Variants in FNDC3B observed in about 807,000 individuals in gnomAD.
The protein encoded by FNDC3B is fibronectin type III domain containing 3B, also known as fibronectin type III domain-containing protein 3B.
FNDC3B carries 12 observed loss-of-function variants against 151.5 expected under a neutral mutation model. The observed-to-expected ratio is 0.08, with a 90% CI of 0.05 to 0.13. The LOEUF (loss-of-function observed/expected upper bound fraction) is 0.13. Ranked by LOEUF, FNDC3B falls within the 10% of genes least tolerant of loss-of-function variation. FNDC3B has a pLI of 1.00. For synonymous variants in FNDC3B, 528 were observed against 549.0 expected (o/e 0.96, Z 0.54); for missense variants, 1,214 against 1,505.3 (o/e 0.81, Z 3.20).
intron 3 of FNDC3B, among the ~76,000 whole-genome samples, chr3:172,221,175 T>C (rs1271179851): frequency 6.5e-5 from 4 of 61,452 alleles, no homozygotes; most frequent in Non-Finnish European, 1.5e-4. Context: ...CTAGCTCTAG[T>C]AATTTTTTTT....
intron 3 of FNDC3B, among the ~76,000 whole-genome samples, chr3:172,198,361 T>G (rs1019337647): frequency 1.3e-5 from 2 of 152,232 alleles, no homozygotes; most frequent in Non-Finnish European, 2.9e-5. Context: ...TATGTATGAA[T>G]ATACTTGGAC....
At chr3:172,389,725 G>A (rs1225408671) in intron 25 of FNDC3B, among the ~76,000 whole-genome samples, 3 of 152,070 alleles carry the variant, frequency 2.0e-5, no homozygotes, top group Admixed American at 6.6e-5. Flanking sequence ...AAATAGCTGG[G>A]CGTAGTGGCG....
At chr3:172,052,332 C>T (rs767233798) in intron 1 of FNDC3B, among the ~76,000 whole-genome samples, 49 of 151,852 alleles carry the variant, frequency 3.2e-4, no homozygotes, top group Non-Finnish European at 1.3e-4. Flanking sequence ...CCCACCTTGG[C>T]GTCCCTAAGT....
chr3:172,310,318 C>A (rs1011165417), intron 10 of FNDC3B, among the ~76,000 whole-genome samples: 2 of 152,164 alleles, frequency 1.3e-5, no homozygotes, highest in Non-Finnish European at 2.9e-5. Context: ...TCCAGAGGAT[C>A]ACATTTTTTC....
intron 8 of FNDC3B, among the ~76,000 whole-genome samples, chr3:172,296,970 A>G (rs556009702): frequency 1.3e-5 from 2 of 152,264 alleles, no homozygotes; most frequent in Admixed American, 6.5e-5. Flanking sequence ...CAAGATGAAC[A>G]TTGGTGGCAG....
chr3:172,158,034 T>C (rs948548724), intron 3 of FNDC3B, among the ~76,000 whole-genome samples: 1 of 152,148 alleles, frequency 6.6e-6, no homozygotes, highest in African/African-American at 2.4e-5. Flanking sequence ...TGTGGACACA[T>C]GGAGGGGTGC....
chr3:172,050,894 G>A (rs1442604293), intron 1 of FNDC3B, among the ~76,000 whole-genome samples: 3 of 151,908 alleles, frequency 2.0e-5, no homozygotes, highest in East Asian at 1.9e-4. Context: ...GGATCATTAC[G>A]GATATCAAAA....
At chr3:172,155,907 G>A (rs1722453044) in intron 3 of FNDC3B, among the ~76,000 whole-genome samples, 1 of 152,192 alleles carries the variant, frequency 6.6e-6, no homozygotes, top group South Asian at 2.1e-4. Flanking sequence ...GGGAGAAACA[G>A]CCTTATCTGT....
intron 2 of FNDC3B, among the ~76,000 whole-genome samples, chr3:172,131,915 A>G (rs1358403058): frequency 1.3e-5 from 2 of 152,210 alleles, no homozygotes; most frequent in East Asian, 3.8e-4. Context: ...CATTCAGTGA[A>G]AGTAGTTATT....
intron 24 of FNDC3B, among the ~76,000 whole-genome samples, chr3:172,380,072 TC>T (rs1291914222): frequency 1.3e-5 from 1 of 74,550 alleles, no homozygotes; most frequent in Non-Finnish European, 4.3e-5. Flanking sequence ...CTTTTCTTCT[TC>T]TTCTTTTTTT....
chr3:172,180,185 C>T (rs4894525), intron 3 of FNDC3B, among the ~76,000 whole-genome samples: 3 of 152,054 alleles, frequency 2.0e-5, no homozygotes, highest in Non-Finnish European at 4.4e-5. Context: ...TCCCTTGGGT[C>T]GAGCCATGCT....
chr3:172,281,211 A>ATTTT (rs1206078014), intron 6 of FNDC3B, among the ~76,000 whole-genome samples: 3 of 134,990 alleles, frequency 2.2e-5, no homozygotes, highest in African/African-American at 8.2e-5. Flanking sequence ...TATTATTATT[A>ATTTT]TTTATATTTA....
chr3:172,121,474 C>A (rs1040431859), intron 2 of FNDC3B, among the ~76,000 whole-genome samples: 2 of 152,144 alleles, frequency 1.3e-5, no homozygotes, highest in African/African-American at 4.8e-5. Flanking sequence ...CCGCATGGAA[C>A]ATTCACTAAA....
At position 172,226,881 on chromosome 3, in the gene FNDC3B, A is replaced by G. The variant is rs369351186; in HGVS notation, c.198A>G (p.Glu66=). 1.9e-6 allele frequency: 3 copies of G among 1,610,554 alleles called. No individual in the cohort carries two copies. Among genetic ancestry groups the G allele is most frequent in the African/African-American group, 2.7e-5 (2 of 74,838 alleles). ...GTLQCIQGPA[E]VPMMSPNGSI... ...ACTCGTCTGTTTTAGGACCTGCTGA[A>G]GTTCCCATGATGTCACCCAATGGAT... The change falls in exon 4 of 26, where the codon GAA becomes GAG. Residue 66 remains glutamate (E), a synonymous_variant. Transcript: ENST00000415807.
intron 3 of FNDC3B, among the ~76,000 whole-genome samples, chr3:172,190,849 A>G (rs1190157554): frequency 6.6e-6 from 1 of 152,042 alleles, no homozygotes; most frequent in East Asian, 1.9e-4. Context: ...TTTTATTGTT[A>G]GTAGAGACGG....
chr3:172,238,646 C>T (rs920877986), intron 4 of FNDC3B, among the ~76,000 whole-genome samples: 1 of 152,120 alleles, frequency 6.6e-6, no homozygotes, highest in African/African-American at 2.4e-5. Flanking sequence ...ACAGACCTTA[C>T]GTTTCAAATC....
At chr3:172,325,008 C>A (rs1304494503) in intron 11 of FNDC3B, among the ~76,000 whole-genome samples, 2 of 152,164 alleles carry the variant, frequency 1.3e-5, no homozygotes, top group Non-Finnish European at 2.9e-5. Flanking sequence ...CCTGGCAGCC[C>A]CTTTGAAAGC....
chr3:172,207,055 A>T (rs1198310404), intron 3 of FNDC3B, among the ~76,000 whole-genome samples: 1 of 151,866 alleles, frequency 6.6e-6, no homozygotes, highest in African/African-American at 2.4e-5. Context: ...CAAACCAAAG[A>T]GCTCATCACA....
intron 3 of FNDC3B, among the ~76,000 whole-genome samples, chr3:172,153,712 G>T (rs1722345539): frequency 6.6e-6 from 1 of 152,176 alleles, no homozygotes; most frequent in South Asian, 2.1e-4. Flanking sequence ...GATTTGTTTG[G>T]CCCTAGGAAG....
Sources: gnomAD v4.1 joint callset for allele counts (sites outside exome capture counted in the v4.1 genomes callset) on GRCh38, gnomAD v4.1.1 for gene constraint, MANE v1.5 for transcripts, NCBI Gene and HGNC (gene_info 2026-07-23, HGNC 2026-07-21) for gene names.